The following SPATA24 variants were observed in gnomAD, a reference collection of about 807,000 sequenced individuals.
The protein encoded by SPATA24 is spermatogenesis associated 24, also known as spermatogenesis-associated protein 24.
SPATA24 carries 21 observed loss-of-function variants against 28.9 expected under a neutral mutation model. That is an observed-to-expected ratio of 0.73 (90% CI 0.52 to 1.05). The LOEUF (loss-of-function observed/expected upper bound fraction) is 1.05. Among genes scored for constraint, SPATA24 ranks in the 50% least tolerant of loss-of-function variants. The pLI is 0.00. For missense variants in SPATA24, 215 were observed against 242.9 expected (o/e 0.88, Z 0.76); for synonymous variants, 76 against 89.9 (o/e 0.85, Z 0.88).
At chr5:139,402,595 G>T (rs761284363) in intron 2 of SPATA24, 33 bp downstream of exon 2, 1 of 1,540,976 alleles carries the variant, frequency 6.5e-7, no homozygotes, top group South Asian at 1.2e-5. Flanking sequence ...GGAAACGGGG[G>T]AAGATTAGGA....
Position 139,397,536 on chromosome 5 carries a change from C to T in SPATA24, c.386-393G>A, listed in dbSNP as rs532201821. ...ATTACATTTCCCAGTACTTCCTGTT[C>T]CCTCTTCCTGCTTTCTCTTTTTTTT... On this transcript the variant is annotated intron_variant, in intron 4 of 5. Transcript: ENST00000450845. 6.0e-5 allele frequency among the ~76,000 whole-genome samples: 9 copies of T among 150,978 alleles called. No individual in the cohort carries two copies. In the South Asian group the frequency reaches 1.5e-3, roughly 24 times the overall value.
downstream of SPATA24, chr5:139,394,913 G>A: frequency 6.6e-7 from 1 of 1,519,514 alleles, no homozygotes; most frequent in Non-Finnish European, 8.8e-7. Flanking sequence ...GCCACCCAGG[G>A]CCAATTCGCT....
downstream of SPATA24, chr5:139,394,149 G>T (rs1758649178): frequency 1.3e-6 from 2 of 1,546,288 alleles, no homozygotes; most frequent in Admixed American, 2.0e-5. Context: ...ACGGCCTCGG[G>T]GCCTTGGCGG....
downstream of SPATA24, chr5:139,393,803 T>A (rs1354311484): frequency 1.3e-6 from 2 of 1,551,166 alleles, no homozygotes; most frequent in South Asian, 1.2e-5. Context: ...AACAATGGGC[T>A]ACTCACCCTC....
At chr5:139,401,883 A>G (rs1758831635) in intron 3 of SPATA24, 32 bp downstream of exon 3, 2 of 1,549,598 alleles carry the variant, frequency 1.3e-6, no homozygotes, top group Non-Finnish European at 1.7e-6. Flanking sequence ...TGCATCCCCC[A>G]AACCCCACAC....
chr5:139,394,983 G>T (rs1442724413), downstream of SPATA24: 1 of 1,506,672 alleles, frequency 6.6e-7, no homozygotes, highest in South Asian at 1.3e-5. Flanking sequence ...CCGTGTAGTA[G>T]GAGCCTGACG....
At chr5:139,393,670 G>T, downstream of SPATA24, 1 of 1,550,652 alleles carries the variant, frequency 6.4e-7, no homozygotes, top group Non-Finnish European at 8.7e-7. Flanking sequence ...TTCGAGGGAC[G>T]GGCTCCTTTC....
intron 4 of SPATA24, among the ~76,000 whole-genome samples, chr5:139,399,654 A>G (rs1390755344): frequency 1.3e-5 from 2 of 152,234 alleles, no homozygotes; most frequent in Non-Finnish European, 2.9e-5. Flanking sequence ...TCCCTTTGAG[A>G]GTAAAGAACT....
intron 4 of SPATA24, 51 bp downstream of exon 4, chr5:139,401,704 G>C: frequency 6.5e-7 from 1 of 1,532,140 alleles, no homozygotes; most frequent in Non-Finnish European, 8.9e-7. Flanking sequence ...GGGTGGTTAG[G>C]AAAGAGCCCG....
At chr5:139,400,954 C>T (rs1033025437) in intron 4 of SPATA24, among the ~76,000 whole-genome samples, 1 of 151,844 alleles carries the variant, frequency 6.6e-6, no homozygotes, top group East Asian at 2.0e-4. Flanking sequence ...GTCAGGAGTT[C>T]GAGACCAGCC....
At chr5:139,398,056 T>C (rs1296299934) in intron 4 of SPATA24, among the ~76,000 whole-genome samples, 1 of 152,228 alleles carries the variant, frequency 6.6e-6, no homozygotes, top group East Asian at 1.9e-4. Flanking sequence ...GGGATGTCCC[T>C]GGGGGTTTAG....
rs1452461610 is a variant in SPATA24, at chr5:139,404,056, G to A, written c.5C>T (p.Ala2Val). 7 of 1,550,850 alleles carry A rather than the reference G, an allele frequency of 4.5e-6. No individual in the cohort carries two copies. The highest frequency in any genetic ancestry group is 6.1e-6 in the Non-Finnish European group (7 of 1,146,536). The change falls in exon 1 of 6, where the codon GCG (alanine) becomes GTG (valine). Residue 2 changes from alanine to valine, a missense_variant. By Grantham distance (64) the Ala-to-Val change is moderately conservative. Coordinates refer to ENST00000450845, the MANE Select transcript of SPATA24 (RefSeq NM_194296.2). ...CGCCTTCGACCACCCGAGGGGCGTC[G>A]CCATCTTCCGCCCCCGCCAGCTAGT... M[A>V]TPLGWSKAGS... is the part of the protein sequence containing the mutation.
At chr5:139,402,088 T>C (rs1178112140) in intron 2 of SPATA24, 43 bp from the exon 3 acceptor site, 1 of 1,540,726 alleles carries the variant, frequency 6.5e-7, no homozygotes, top group South Asian at 1.2e-5. Flanking sequence ...TAGGCCGCCT[T>C]GGGTCTCCTA....
chr5:139,401,931 G>A lies in SPATA24; in HGVS notation c.298C>T (p.Leu100=). 1.3e-6 allele frequency: 2 copies of A among 1,551,832 alleles called. No individual in the cohort carries two copies. Among genetic ancestry groups the A allele is most frequent in the South Asian group, 1.2e-5 (1 of 84,056 alleles). ...CCCACTCACGCTTTTTCAAAGGCCA[G>A]CTTCTCTTTCTCCAGCTGCTTGGAT... The part of the protein sequence containing the change: ...VLSKQLEKEK[L]AFEKALSSVK... Residue 100 remains leucine (L), a synonymous_variant, in exon 3 of 6, where the codon CTG becomes TTG. Transcript: ENST00000450845.
chr5:139,399,923 C>T (rs904691459), intron 4 of SPATA24, among the ~76,000 whole-genome samples: 13 of 152,188 alleles, frequency 8.5e-5, no homozygotes, highest in Admixed American at 2.6e-4. Context: ...GTCTCTGGCC[C>T]TACCAGGAAA....
At chr5:139,393,175 G>A (rs865820325), downstream of SPATA24, 2 of 1,548,946 alleles carry the variant, frequency 1.3e-6, no homozygotes, top group Middle Eastern at 1.7e-4. Flanking sequence ...GAAGCCTGGC[G>A]CGTACGTGGT....
chr5:139,393,854 G>A, downstream of SPATA24: 1 of 1,550,714 alleles, frequency 6.4e-7, no homozygotes, highest in Non-Finnish European at 8.7e-7. Context: ...TGGGGCGACG[G>A]GCAGCGAGGA....
intron 4 of SPATA24, among the ~76,000 whole-genome samples, chr5:139,398,634 T>C (rs1283467788): frequency 6.6e-6 from 1 of 152,076 alleles, no homozygotes; most frequent in Admixed American, 6.6e-5. Context: ...CCAAGGAGGC[T>C]GTAGGGATCT....
intron 1 of SPATA24, among the ~76,000 whole-genome samples, chr5:139,403,326 C>A (rs928130327): frequency 6.6e-6 from 1 of 152,176 alleles, no homozygotes; most frequent in Admixed American, 6.5e-5. Context: ...AGTTTTATTT[C>A]TGAGATGGAG....
Sources: allele counts gnomAD v4.1 joint callset (sites outside exome capture counted in the v4.1 genomes callset), GRCh38; gene constraint gnomAD v4.1.1; transcripts MANE v1.5; gene names NCBI Gene and HGNC (gene_info 2026-07-23, HGNC 2026-07-21).